ATXN7L1: variants seen among roughly 807,000 people sequenced by gnomAD.
ATXN7L1 encodes ataxin-7-like protein 1.
In ATXN7L1, 15 loss-of-function variants were observed where a neutral mutation model predicts 70.8. The ratio of observed to expected loss-of-function variants is 0.21; its 90% CI spans 0.14 to 0.33. The LOEUF (loss-of-function observed/expected upper bound fraction) is 0.33, where lower values mean the gene tolerates loss of function less well. Ranked by LOEUF, ATXN7L1 falls within the 10% of genes least tolerant of loss-of-function variation. The probability of loss-of-function intolerance (pLI) is 1.00; values close to 1 mark genes in which losing one functional copy is unlikely to be tolerated. For synonymous variants in ATXN7L1, 440 were observed against 445.1 expected (o/e 0.99, Z 0.14); for missense variants, 975 against 1,097.1 (o/e 0.89, Z 1.57).
chr7:105,845,668 C>T (rs1813921213), intron 2 of ATXN7L1, among the ~76,000 whole-genome samples: 1 of 152,134 alleles, frequency 6.6e-6, no homozygotes, highest in African/African-American at 2.4e-5. Context: ...TATGAAGCCA[C>T]AGTATCCAAG....
At position 105,624,126 on chromosome 7, in the gene ATXN7L1, T is replaced by C. The variant is rs1295465791; in HGVS notation, c.1344A>G (p.Glu448=). ...AGAACTGACAGTCTAGCTTCTCGGATTCGTCGGCTCCGTCCATCTCCCCTT... is the reference window on the plus strand; with the variant it reads ...AGAACTGACAGTCTAGCTTCTCGGACTCGTCGGCTCCGTCCATCTCCCCTT... The part of the protein sequence containing the change: ...SDEGEMDGAD[E]SEKLDCQFST... Residue 448 remains glutamate (E), a synonymous_variant, in exon 8 of 12, where the codon GAA becomes GAG. Coordinates refer to ENST00000419735, the MANE Select transcript of ATXN7L1 (RefSeq NM_020725.2). 3.2e-5 allele frequency: 48 copies of C among 1,522,750 alleles called. No homozygotes were observed. Among genetic ancestry groups the C allele is most frequent in the Non-Finnish European group, 4.2e-5 (48 of 1,130,396 alleles). 94.3% of individuals were successfully genotyped at this position (1,522,750 alleles called of 1,614,324 possible).
intron 3 of ATXN7L1, among the ~76,000 whole-genome samples, chr7:105,768,636 T>C (rs1474445640): frequency 6.6e-6 from 1 of 152,240 alleles, no homozygotes; most frequent in Non-Finnish European, 1.5e-5. Flanking sequence ...TTGTAACTAA[T>C]CAGAATGCTG....
intron 3 of ATXN7L1, among the ~76,000 whole-genome samples, chr7:105,784,318 G>C (rs1292470101): frequency 2.0e-5 from 3 of 152,090 alleles, no homozygotes; most frequent in African/African-American, 7.2e-5. Context: ...CACTGAATTG[G>C]TACCTGCAGA....
intron 2 of ATXN7L1, among the ~76,000 whole-genome samples, chr7:105,813,769 C>T (rs1808790069): frequency 6.6e-6 from 1 of 152,164 alleles, no homozygotes; most frequent in Admixed American, 6.5e-5. Flanking sequence ...CTCTCCTTTT[C>T]TCTCTGACTC....
chr7:105,689,129 C>T (rs897584747), intron 3 of ATXN7L1, among the ~76,000 whole-genome samples: 4 of 152,092 alleles, frequency 2.6e-5, no homozygotes, highest in African/African-American at 9.7e-5. Context: ...TTGGTCTTCC[C>T]GGAGTGTAGG....
chr7:105,746,015 C>T (rs587741), intron 3 of ATXN7L1, among the ~76,000 whole-genome samples: 93,510 of 152,018 alleles, frequency 0.62, 30,500 homozygotes, highest in East Asian at 0.92. Context: ...GTTCAGTGGA[C>T]CATTCCCCCA....
chr7:105,679,925 TA>T lies in ATXN7L1; in HGVS notation c.356-14638del, dbSNP rs144079213. Reference sequence around the variant, plus strand: ...TCTGTGATGCAAATTTCACCTCAATTAAAAAAAAAACAGTGGCAAAGTACGC... The same window carrying T: ...TCTGTGATGCAAATTTCACCTCAATTAAAAAAAAACAGTGGCAAAGTACGC... On this transcript the variant is annotated intron_variant, in intron 3 of 11. Transcript: ENST00000419735. Among the ~76,000 whole-genome samples the T allele has an allele frequency of 8.1e-3, 1,200 of 148,482 alleles. 17 individuals are homozygous for T. Among genetic ancestry groups the T allele is most frequent in the African/African-American group, 0.028 (1,137 of 40,504 alleles).
chr7:105,813,295 T>A (rs1349850824), intron 2 of ATXN7L1, among the ~76,000 whole-genome samples: 1 of 152,022 alleles, frequency 6.6e-6, no homozygotes, highest in Non-Finnish European at 1.5e-5. Context: ...GGTTGGCTCC[T>A]GGTGTTCACT....
At chr7:105,738,382 T>A (rs1270244539) in intron 3 of ATXN7L1, among the ~76,000 whole-genome samples, 2 of 152,228 alleles carry the variant, frequency 1.3e-5, no homozygotes, top group Non-Finnish European at 2.9e-5. Flanking sequence ...CACTTCTGAA[T>A]ATCAAAATGT....
At chr7:105,665,598 A>G (rs542540481) in intron 3 of ATXN7L1, among the ~76,000 whole-genome samples, 1 of 152,214 alleles carries the variant, frequency 6.6e-6, no homozygotes, top group Non-Finnish European at 1.5e-5. Context: ...GAGGGACACC[A>G]GGTGTCATCT....
intron 2 of ATXN7L1, among the ~76,000 whole-genome samples, chr7:105,824,937 A>T (rs980192276): frequency 6.6e-6 from 1 of 151,768 alleles, no homozygotes; most frequent in African/African-American, 2.4e-5. Context: ...AAAAAAAACA[A>T]AAAAATAAAA....
At chr7:105,820,889 C>T (rs1359947858) in intron 2 of ATXN7L1, among the ~76,000 whole-genome samples, 6 of 152,170 alleles carry the variant, frequency 3.9e-5, no homozygotes, top group East Asian at 3.9e-4. Context: ...CTTGCTCCCA[C>T]GCTCACCATG....
At chr7:105,852,444 A>T (rs1656898615) in intron 2 of ATXN7L1, among the ~76,000 whole-genome samples, 2 of 152,082 alleles carry the variant, frequency 1.3e-5, no homozygotes, top group South Asian at 4.1e-4. Flanking sequence ...GGCCTCTCAG[A>T]TTTTCAGCTC....
chr7:105,663,600 G>A (rs188589058), intron 4 of ATXN7L1, among the ~76,000 whole-genome samples: 55 of 152,314 alleles, frequency 3.6e-4, no homozygotes, highest in African/African-American at 1.2e-3. Flanking sequence ...TAGAGGTGCT[G>A]TCAGAAGCCA....
intron 4 of ATXN7L1, among the ~76,000 whole-genome samples, chr7:105,653,552 G>A (rs1485580084): frequency 6.6e-6 from 1 of 152,194 alleles, no homozygotes; most frequent in Non-Finnish European, 1.5e-5. Flanking sequence ...AAGTCAGTCT[G>A]ACCAAAGTCC....
chr7:105,747,363 A>T (rs1242859221), intron 3 of ATXN7L1, among the ~76,000 whole-genome samples: 4 of 152,218 alleles, frequency 2.6e-5, no homozygotes, highest in African/African-American at 9.7e-5. Context: ...GAACACGTGG[A>T]TGCTTACAGA....
intron 3 of ATXN7L1, among the ~76,000 whole-genome samples, chr7:105,702,238 T>G (rs1193856552): frequency 6.6e-6 from 1 of 152,180 alleles, no homozygotes; most frequent in Non-Finnish European, 1.5e-5. Flanking sequence ...GAAGCATCAT[T>G]CTCAGTTCAC....
At chr7:105,714,864 C>G (rs926071255) in intron 3 of ATXN7L1, among the ~76,000 whole-genome samples, 3 of 152,072 alleles carry the variant, frequency 2.0e-5, no homozygotes, top group Non-Finnish European at 4.4e-5. Context: ...GGGTTTCCAC[C>G]ATGTTGGCCA....
In ATXN7L1 at chr7:105,643,026, A is replaced by G; in HGVS notation, c.674T>C (p.Val225Ala). ...AGAGGACGAGGTGGAGGAGGCAGAA[A>G]CTGCAGTAGTGGTTGTGGAGTTCAT... ...VKMNSTTTTA[V>A]SASSTSSSAV... Residue 225 changes from valine (V) to alanine (A), a missense_variant, in exon 5 of 12, where the codon GTT becomes GCT. By Grantham distance (64) the Val-to-Ala change is moderately conservative. This residue lies in a region of ATXN7L1 where 192 missense variants were observed against 215.5 expected (regional missense o/e 0.89). Transcript: ENST00000419735. 2 of 1,551,694 alleles carry G rather than the reference A, an allele frequency of 1.3e-6. No homozygotes were observed. The highest frequency in any genetic ancestry group is 1.7e-6 in the Non-Finnish European group (2 of 1,146,964).
Sources: gnomAD v4.1 joint callset for allele counts (sites outside exome capture counted in the v4.1 genomes callset) on GRCh38, gnomAD v4.1.1 for gene constraint, gnomAD v4.1.1 regional missense constraint, MANE v1.5 for transcripts, NCBI Gene and HGNC (gene_info 2026-07-23, HGNC 2026-07-21) for gene names.